SORCS2: variants seen among roughly 807,000 people sequenced by gnomAD.
The protein encoded by SORCS2 is sortilin related VPS10 domain containing receptor 2.
A neutral mutation model predicts 141.6 loss-of-function variants in SORCS2; 100 were observed. That is an observed-to-expected ratio of 0.71 (90% confidence interval 0.60 to 0.83). The LOEUF is 0.83. Among genes scored for constraint, SORCS2 ranks in the 40% least tolerant of loss-of-function variants. The probability of loss-of-function intolerance (pLI) is 0.00; values close to 1 mark genes in which losing one functional copy is unlikely to be tolerated. For synonymous variants in SORCS2, 789 were observed against 676.9 expected (o/e 1.17, Z -2.57); for missense variants, 1,646 against 1,560.2 (o/e 1.05, Z -0.93).
At chr4:7,462,847 A>G (rs1453005062) in intron 2 of SORCS2, among the ~76,000 whole-genome samples, 3 of 149,656 alleles carry the variant, frequency 2.0e-5, no homozygotes, top group Non-Finnish European at 3.0e-5. Flanking sequence ...CGCCAGAGGG[A>G]GCGCTCACAA....
At chr4:7,631,417 T>C (rs1437519069) in intron 3 of SORCS2, among the ~76,000 whole-genome samples, 1 of 150,966 alleles carries the variant, frequency 6.6e-6, no homozygotes, top group Non-Finnish European at 1.5e-5. Context: ...GAGGGCCAGC[T>C]CAGCATCTCC....
intron 1 of SORCS2, among the ~76,000 whole-genome samples, chr4:7,270,240 G>A (rs139692124): frequency 5.6e-4 from 85 of 152,382 alleles, no homozygotes; most frequent in African/African-American, 2.0e-3. Flanking sequence ...ACCTGTGAAC[G>A]GGGCCGCAGA....
chr4:7,431,800 C>T (rs964560627), intron 2 of SORCS2: 6 of 152,230 alleles, frequency 3.9e-5, no homozygotes, highest in Non-Finnish European at 7.3e-5. Context: ...GTTCCTGGGG[C>T]GGTGGCCCAG....
intron 2 of SORCS2, among the ~76,000 whole-genome samples, chr4:7,458,421 T>C (rs1577598190): frequency 1.3e-5 from 2 of 152,066 alleles, no homozygotes; most frequent in South Asian, 4.1e-4. Flanking sequence ...CCTGAGTCCT[T>C]TGGGGGCCCC....
chr4:7,662,715 C>T (rs1401408625), intron 6 of SORCS2, among the ~76,000 whole-genome samples: 3 of 152,228 alleles, frequency 2.0e-5, no homozygotes, highest in Non-Finnish European at 2.9e-5. Flanking sequence ...CTCATGAGCA[C>T]CCACTGTCCA....
intron 1 of SORCS2, among the ~76,000 whole-genome samples, chr4:7,328,135 C>T (rs190860682): frequency 5.3e-4 from 79 of 148,968 alleles, no homozygotes; most frequent in African/African-American, 1.9e-3. Flanking sequence ...AAGTTATTCT[C>T]CCACCTCAGC....
intron 2 of SORCS2, among the ~76,000 whole-genome samples, chr4:7,413,539 C>T (rs1725463723): frequency 6.6e-6 from 1 of 151,850 alleles, no homozygotes; most frequent in South Asian, 2.1e-4. Context: ...ATGCGCCCGC[C>T]ACCATGCCTG....
At chr4:7,576,712 C>T (rs778905282) in intron 3 of SORCS2, among the ~76,000 whole-genome samples, 1 of 152,042 alleles carries the variant, frequency 6.6e-6, no homozygotes, top group Admixed American at 6.6e-5. Context: ...CTACTGTGGG[C>T]GGGGAGGTTC....
chr4:7,549,869 G>A (rs1713549135), intron 3 of SORCS2, among the ~76,000 whole-genome samples: 1 of 152,184 alleles, frequency 6.6e-6, no homozygotes, highest in South Asian at 2.1e-4. Flanking sequence ...TCACTAGAAT[G>A]AAACACATGA....
intron 18 of SORCS2, among the ~76,000 whole-genome samples, chr4:7,721,748 G>A (rs1726601996): frequency 6.6e-6 from 1 of 152,192 alleles, no homozygotes; most frequent in African/African-American, 2.4e-5. Context: ...TCTCTTTCCT[G>A]TATCAGTGTT....
chr4:7,369,695 G>A (rs531998520), intron 1 of SORCS2, among the ~76,000 whole-genome samples: 2 of 152,186 alleles, frequency 1.3e-5, no homozygotes, highest in Non-Finnish European at 2.9e-5. Flanking sequence ...TAGTCCTGGA[G>A]GTCCTGGCCA....
chr4:7,263,168 G>A (rs1714481745), intron 1 of SORCS2, among the ~76,000 whole-genome samples: 1 of 152,190 alleles, frequency 6.6e-6, no homozygotes, highest in Admixed American at 6.5e-5. Flanking sequence ...GCAAATGCAG[G>A]TGTGGGAAGT....
chr4:7,739,626 C>G (rs562702418), intron 26 of SORCS2, among the ~76,000 whole-genome samples: 37 of 152,252 alleles, frequency 2.4e-4, no homozygotes, highest in African/African-American at 6.5e-4. Context: ...AGGACTCAGG[C>G]AAGGACTCAG....
chr4:7,512,598 C>T (rs1411753216), intron 2 of SORCS2, among the ~76,000 whole-genome samples: 2 of 152,132 alleles, frequency 1.3e-5, no homozygotes, highest in Non-Finnish European at 1.5e-5. Context: ...AGACTCCATC[C>T]TTAACCTCTA....
intron 2 of SORCS2, among the ~76,000 whole-genome samples, chr4:7,455,584 GTT>G (rs1728848795): frequency 7.2e-6 from 1 of 139,362 alleles, no homozygotes; most frequent in Non-Finnish European, 1.5e-5. Flanking sequence ...GGAGCTGTGT[GTT>G]GGGGTCAGGT....
At chr4:7,628,315 G>A (rs372781273) in intron 3 of SORCS2, among the ~76,000 whole-genome samples, 1 of 152,142 alleles carries the variant, frequency 6.6e-6, no homozygotes, top group Non-Finnish European at 1.5e-5. Context: ...GAGGTCAGGA[G>A]ATCCAGACCA....
At chr4:7,726,304 G>T (rs140264229) in intron 20 of SORCS2, among the ~76,000 whole-genome samples, 32 of 152,204 alleles carry the variant, frequency 2.1e-4, no homozygotes, top group Non-Finnish European at 4.0e-4. Flanking sequence ...GAGAAGGAAG[G>T]GGGTGCTGGG....
At chr4:7,340,569 C>T (rs1013608952) in intron 1 of SORCS2, among the ~76,000 whole-genome samples, 16 of 152,326 alleles carry the variant, frequency 1.1e-4, no homozygotes, top group African/African-American at 3.6e-4. Flanking sequence ...CCTCCAGGCC[C>T]GTCCCTCACT....
At chr4:7,274,759 T>G (rs1275071264) in intron 1 of SORCS2, among the ~76,000 whole-genome samples, 1 of 152,110 alleles carries the variant, frequency 6.6e-6, no homozygotes, top group East Asian at 1.9e-4. Context: ...ATTCTAAAAT[T>G]GTGTGTGTGG....
Sources: allele counts gnomAD v4.1 joint callset (sites outside exome capture counted in the v4.1 genomes callset), GRCh38; gene constraint gnomAD v4.1.1; transcripts MANE v1.5; gene names NCBI Gene and HGNC (gene_info 2026-07-23, HGNC 2026-07-21).